CDH4: variants seen among roughly 807,000 people sequenced by gnomAD.
CDH4 encodes the protein cadherin 4, also known as cadherin-4.
Under a neutral mutation model 86.0 loss-of-function variants are expected in CDH4, and 33 were observed. That is an observed-to-expected ratio of 0.38 (90% CI 0.29 to 0.51). The LOEUF is 0.51. CDH4 is among the 20% of genes least tolerant of loss of function. The pLI is 0.86. For missense variants in CDH4, 1,114 were observed against 1,307.4 expected (o/e 0.85, Z 2.28); for synonymous variants, 555 against 549.4 (o/e 1.01, Z -0.14).
At chr20:61,500,075 C>T (rs1229851013) in intron 2 of CDH4, among the ~76,000 whole-genome samples, 1 of 152,202 alleles carries the variant, frequency 6.6e-6, no homozygotes, top group Non-Finnish European at 1.5e-5. Context: ...TGTCACTTCC[C>T]TGTCGGAATC....
chr20:61,401,826 C>G (rs182234331), intron 2 of CDH4, among the ~76,000 whole-genome samples: 1 of 152,184 alleles, frequency 6.6e-6, no homozygotes, highest in African/African-American at 2.4e-5. Flanking sequence ...AGGGTCAGCC[C>G]TGCAGTCATC....
rs375224425 is a variant in CDH4, at chr20:61,549,523, C to T, written c.170-194040C>T. On this transcript the variant is annotated intron_variant, in intron 2 of 15. Coordinates refer to ENST00000614565, the MANE Select transcript of CDH4 (RefSeq NM_001794.5). Reference sequence around the variant, plus strand: ...CAGGATGCTAAGGGAGAGCTCTGGCCATGGTTTGCTTGCTTTGTGTACAAA... The same window carrying T: ...CAGGATGCTAAGGGAGAGCTCTGGCTATGGTTTGCTTGCTTTGTGTACAAA... Among the ~76,000 whole-genome samples, 7 of 152,320 alleles carry T rather than the reference C, an allele frequency of 4.6e-5. No individual in the cohort carries two copies. The East Asian group carries it at 1.4e-3, about 29-fold the overall frequency.
At chr20:61,266,789 C>A (rs1414170310) in intron 2 of CDH4, among the ~76,000 whole-genome samples, 1 of 152,118 alleles carries the variant, frequency 6.6e-6, no homozygotes, top group Non-Finnish European at 1.5e-5. Flanking sequence ...CTATCCCAGA[C>A]CTACTGGAGG....
Position 61,518,120 on chromosome 20 carries a change from G to A in CDH4, c.170-225443G>A, listed in dbSNP as rs2085837313. 6.6e-6 allele frequency among the ~76,000 whole-genome samples: 1 copy of A among 152,208 alleles called. No individual in the cohort carries two copies. Among genetic ancestry groups the A allele is most frequent in the African/African-American group, 2.4e-5 (1 of 41,454 alleles). On this transcript the variant is annotated intron_variant, in intron 2 of 15. Transcript: ENST00000614565. The surrounding 1 kb of genome is among the most constrained non-coding windows in gnomAD (Gnocchi z 6.3). ...ATTTGCAAGAAATCATGACGCTACT[G>A]CAAGGGTTTAGTGCTCATTCTTCAC...
rs2085151946 is a variant in CDH4 at position 61,417,217 on chromosome 20, T to C, written c.169+162280T>C. ...CCTGGTCTCCAAGAGACTCACTCTT[T>C]CTCTCTTGGTCGTGCTCTCTCTTCC... On this transcript the variant is annotated intron_variant, in intron 2 of 15. Transcript: ENST00000614565. The surrounding 1 kb of genome is among the most constrained non-coding windows in gnomAD (Gnocchi z 4.0). 1.3e-5 allele frequency among the ~76,000 whole-genome samples: 2 copies of C among 152,054 alleles called. No individual in the cohort carries two copies. Among genetic ancestry groups the C allele is most frequent in the Non-Finnish European group, 1.5e-5 (1 of 68,006 alleles).
At chr20:61,691,991 T>C (rs2087660785) in intron 2 of CDH4, among the ~76,000 whole-genome samples, 1 of 152,234 alleles carries the variant, frequency 6.6e-6, no homozygotes, top group Non-Finnish European at 1.5e-5. Context: ...ACCCTTGCTG[T>C]TTTTGCCAAG....
Position 61,540,608 on chromosome 20 carries a change from C to T in CDH4, c.170-202955C>T, listed in dbSNP as rs998261193. ...CAGGAAGAACCTGGTGGCTGGTGATCTCCTGTCCCAGGGAAGATCTTATAA... is the reference window on the plus strand; with the variant it reads ...CAGGAAGAACCTGGTGGCTGGTGATTTCCTGTCCCAGGGAAGATCTTATAA... On this transcript the variant is annotated intron_variant, in intron 2 of 15. Coordinates refer to ENST00000614565, the MANE Select transcript of CDH4 (RefSeq NM_001794.5). Among the ~76,000 whole-genome samples the T allele has an allele frequency of 2.0e-5, 3 of 152,138 alleles. No individual in the cohort carries two copies. The East Asian group carries it at 5.8e-4, about 29-fold the overall frequency.
rs11479778 is a variant in CDH4 at position 61,693,884 on chromosome 20, C to CTTTTT, written c.170-49657_170-49653dup. 1.3e-3 allele frequency among the ~76,000 whole-genome samples: 106 copies of CTTTTT among 82,708 alleles called. 2 individuals are homozygous for CTTTTT. Among genetic ancestry groups the CTTTTT allele is most frequent in the East Asian group, 2.4e-3 (5 of 2,076 alleles). The allele number at this position is 82,708 out of a possible 152,430, so 54.3% of individuals were successfully genotyped here. On this transcript the variant is annotated intron_variant, in intron 2 of 15. Transcript: ENST00000614565. ...AACGCTTCTCAGACACTCTTTCTTT[C>CTTTTT]TTTTTTTTTTTTTTTTTTTTTTTTT...
At chr20:61,436,990 C>G (rs181124266) in intron 2 of CDH4, 8 of 152,516 alleles carry the variant, frequency 5.2e-5, no homozygotes, top group African/African-American at 1.7e-4. Flanking sequence ...GTTTTGCCCC[C>G]TCCTGCGTCC....
At position 61,654,831 on chromosome 20, in the gene CDH4, C is replaced by A. The variant is rs1030501008; in HGVS notation, c.170-88732C>A. 4.6e-5 allele frequency among the ~76,000 whole-genome samples: 7 copies of A among 152,380 alleles called. No individual in the cohort carries two copies. In the South Asian group the frequency reaches 1.4e-3, roughly 32 times the overall value. ...CCATGCACCAGCACAGACTGGGGGC[C>A]ACGCTGCAGCCCGGGAAGGGGCTGT... On this transcript the variant is annotated intron_variant, in intron 2 of 15. Transcript: ENST00000614565.
chr20:61,303,793 C>T (rs900821226), intron 2 of CDH4, among the ~76,000 whole-genome samples: 7 of 152,188 alleles, frequency 4.6e-5, no homozygotes, highest in Non-Finnish European at 8.8e-5. Context: ...GACACGGAGG[C>T]ACCAGTGGGA....
chr20:61,929,801 G>A lies in CDH4; in HGVS notation c.2198G>A (p.Gly733Asp). 6.2e-7 allele frequency: 1 copy of A among 1,614,004 alleles called. No homozygotes were observed. Among genetic ancestry groups the A allele is most frequent in the Non-Finnish European group, 8.5e-7 (1 of 1,180,026 alleles). ...GAVAAAGLGT[G>D]AIVAILICIL... ...GTGGCAGCGGCTGGTCTGGGCACCG[G>A]TGCCATCGTGGCCATCCTCATCTGC... The change falls in exon 13 of 16, where the codon GGT becomes GAT. Residue 733 changes from glycine (G) to aspartate (D), a missense_variant. This residue lies in a region of CDH4 where 705 missense variants were observed against 914.1 expected (regional missense o/e 0.77). Transcript: ENST00000614565.
At chr20:61,612,437 G>C (rs1262670618) in intron 2 of CDH4, among the ~76,000 whole-genome samples, 1 of 152,036 alleles carries the variant, frequency 6.6e-6, no homozygotes, top group African/African-American at 2.4e-5. Flanking sequence ...CTCATAATAG[G>C]ATGCTGTGGG....
intron 4 of CDH4, among the ~76,000 whole-genome samples, chr20:61,838,859 G>A (rs1568842702): frequency 6.8e-6 from 1 of 146,798 alleles, no homozygotes; most frequent in African/African-American, 2.5e-5. Context: ...AAAGGAAAAG[G>A]AAAAAAAAAA....
intron 2 of CDH4, among the ~76,000 whole-genome samples, chr20:61,406,011 G>A (rs6061779): frequency 0.29 from 44,752 of 152,152 alleles, 12,156 homozygotes; most frequent in African/African-American, 0.73. Flanking sequence ...ACTTAATCAC[G>A]TGAGTTCCTC....
intron 2 of CDH4, among the ~76,000 whole-genome samples, chr20:61,669,076 C>G (rs1026434732): frequency 1.3e-4 from 20 of 152,294 alleles, no homozygotes; most frequent in African/African-American, 4.6e-4. Flanking sequence ...GGGATGGTGC[C>G]TGCCATAGCC....
intron 2 of CDH4, among the ~76,000 whole-genome samples, chr20:61,352,508 G>A (rs1168980594): frequency 2.0e-5 from 3 of 152,220 alleles, no homozygotes; most frequent in South Asian, 2.1e-4. Flanking sequence ...TGCCAGCGGG[G>A]TGTGAGCCGC....
At chr20:61,515,892 C>T (rs2427154) in intron 2 of CDH4, among the ~76,000 whole-genome samples, 79,286 of 151,722 alleles carry the variant, frequency 0.52, 20,842 homozygotes, top group Admixed American at 0.59. Flanking sequence ...CTGTTTCCCG[C>T]GTGGCTTGCC....
intron 9 of CDH4, among the ~76,000 whole-genome samples, chr20:61,921,372 C>T (rs928060206): frequency 6.6e-6 from 1 of 152,278 alleles, no homozygotes; most frequent in Admixed American, 6.5e-5. Context: ...GCGTGGCAAT[C>T]TGCACTTTTT....
Sources: gnomAD v4.1 joint callset for allele counts (sites outside exome capture counted in the v4.1 genomes callset) on GRCh38, gnomAD v4.1.1 for gene constraint, gnomAD v4.1.1 regional missense constraint, Gnocchi (gnomAD v3.1) non-coding constraint, MANE v1.5 for transcripts, NCBI Gene and HGNC (gene_info 2026-07-23, HGNC 2026-07-21) for gene names.